ZNF567: variants seen among roughly 807,000 people sequenced by gnomAD.
The protein encoded by ZNF567 is zinc finger protein 567.
In ZNF567, 36 loss-of-function variants were observed where a neutral mutation model predicts 53.9. That is an observed-to-expected ratio of 0.67 (90% CI 0.51 to 0.88). The LOEUF is 0.88. Ranked by LOEUF, ZNF567 falls within the 40% of genes least tolerant of loss-of-function variation. The pLI is 0.00. For synonymous variants in ZNF567, 224 were observed against 260.4 expected (o/e 0.86, Z 1.35); for missense variants, 619 against 764.7 (o/e 0.81, Z 2.25).
chr19:36,677,682 G>A, the ZNF567 span, among the ~76,000 whole-genome samples: 1 of 151,856 alleles, frequency 6.6e-6, no homozygotes, highest in Non-Finnish European at 1.5e-5. Context: ...CAGAAGAATC[G>A]CTTGAACCCA....
downstream of ZNF567, chr19:36,723,074 G>A: frequency 1.5e-6 from 1 of 663,198 alleles, no homozygotes; most frequent in Non-Finnish European, 2.7e-6. Flanking sequence ...GAGAACCCAA[G>A]GATTTTGTCA....
upstream of ZNF567, chr19:36,685,673 G>A (rs962184051): frequency 6.6e-5 from 10 of 152,130 alleles, no homozygotes; most frequent in Non-Finnish European, 1.0e-4. Context: ...TACAAAACAG[G>A]TTGAACAATA....
At chr19:36,701,309 C>G (rs963667569) in intron 3 of ZNF567, among the ~76,000 whole-genome samples, 1 of 151,834 alleles carries the variant, frequency 6.6e-6, no homozygotes, top group Non-Finnish European at 1.5e-5. Flanking sequence ...AATTTCTGTT[C>G]TTTTACATTT....
chr19:36,692,920 G>A (rs1436397535), intron 2 of ZNF567, among the ~76,000 whole-genome samples: 1 of 152,062 alleles, frequency 6.6e-6, no homozygotes, highest in Non-Finnish European at 1.5e-5. Context: ...GGCCCTTTTG[G>A]ACAAAGCCAT....
At chr19:36,667,597 C>A in the ZNF567 span, among the ~76,000 whole-genome samples, 1 of 79,844 alleles carries the variant, frequency 1.3e-5, no homozygotes, top group Admixed American at 1.3e-4. Context: ...CAAGAAAAAA[C>A]AAACAACAAC....
downstream of ZNF567, chr19:36,727,016 T>C (rs1047074358): frequency 4.1e-5 from 6 of 147,464 alleles, no homozygotes; most frequent in African/African-American, 9.9e-5. Flanking sequence ...CTTTCCTTTT[T>C]TTTTTTCCTG....
At chr19:36,712,236 T>C (rs746509305) in intron 3 of ZNF567, 150 bp from the exon 4 acceptor site, 8 of 655,804 alleles carry the variant, frequency 1.2e-5, no homozygotes, top group Non-Finnish European at 2.0e-5. Flanking sequence ...TTAGTAGACA[T>C]GGGGTTTCAC....
intron 3 of ZNF567, among the ~76,000 whole-genome samples, chr19:36,708,389 G>C (rs1042352087): frequency 2.6e-5 from 4 of 152,106 alleles, no homozygotes; most frequent in African/African-American, 9.7e-5. Context: ...TTTGAGGCTT[G>C]CTTTTAAGTT....
chr19:36,696,459 C>G (rs139560507), intron 3 of ZNF567, among the ~76,000 whole-genome samples: 72 of 152,312 alleles, frequency 4.7e-4, no homozygotes, highest in African/African-American at 1.6e-3. Flanking sequence ...TTCCGCAGAT[C>G]CTTCATGCAC....
Position 36,719,838 on chromosome 19 carries a change from A to G in ZNF567, c.1114A>G (p.Lys372Glu), listed in dbSNP as rs1294895257. ...EKPYECNDCGKSFRQKTTLSL... is the reference protein window; with the variant it reads ...EKPYECNDCGESFRQKTTLSL... Reference sequence around the variant, plus strand: ...ACCATATGAGTGTAATGACTGTGGGAAGTCCTTCCGCCAGAAGACAACACT... The same window carrying G: ...ACCATATGAGTGTAATGACTGTGGGGAGTCCTTCCGCCAGAAGACAACACT... Residue 372 changes from lysine (K) to glutamate (E), a missense_variant, in exon 6 of 6, where the codon AAG becomes GAG. By Grantham distance (56) the Lys-to-Glu change is moderately conservative. Transcript: ENST00000682579. The G allele has an allele frequency of 1.7e-5, 27 of 1,614,056 alleles. No homozygotes were observed. The highest frequency in any genetic ancestry group is 2.2e-5 in the Non-Finnish European group (26 of 1,180,032).
chr19:36,702,331 G>A (rs1309030276), intron 3 of ZNF567, among the ~76,000 whole-genome samples: 3 of 152,116 alleles, frequency 2.0e-5, no homozygotes, highest in East Asian at 1.9e-4. Flanking sequence ...TGGGTAACCC[G>A]ACCTTTCTCT....
At chr19:36,712,749 C>T (rs751326403) in intron 4 of ZNF567, 32 bp from the exon 5 acceptor site, 21 of 1,593,708 alleles carry the variant, frequency 1.3e-5, no homozygotes, top group Non-Finnish European at 1.8e-5. Context: ...TATTATAGCC[C>T]AATCAACTTA....
chr19:36,720,364 C>T lies in ZNF567; in HGVS notation c.1640C>T (p.Thr547Ile). 6.2e-7 allele frequency: 1 copy of T among 1,613,576 alleles called. No homozygotes were observed. The highest frequency in any genetic ancestry group is 1.1e-5 in the South Asian group (1 of 91,032). The change falls in exon 6 of 6, where the codon ACC (threonine) becomes ATC (isoleucine). Residue 547 changes from threonine (T) to isoleucine (I), a missense_variant. Physicochemically the swap from Thr to Ile is moderately conservative, Grantham distance 89. Coordinates refer to ENST00000682579, the MANE Select transcript of ZNF567 (RefSeq NM_001322917.1). ...ECGKSFRQKA[T>I]LTVHQKIHTG... ...GGGAAGTCCTTTCGCCAGAAAGCAA[C>T]CCTCACTGTACATCAGAAAATACAT...
intron 3 of ZNF567, among the ~76,000 whole-genome samples, chr19:36,705,090 C>T (rs1017900202): frequency 6.6e-6 from 1 of 151,988 alleles, no homozygotes; most frequent in African/African-American, 2.4e-5. Flanking sequence ...TCACTTTTTC[C>T]CCTGGTTCTT....
At chr19:36,723,801 G>C (rs1275327348), downstream of ZNF567, among the ~76,000 whole-genome samples, 1 of 151,840 alleles carries the variant, frequency 6.6e-6, no homozygotes. Context: ...GCCATTGCAC[G>C]CCTGCCTGGC....
At chr19:36,672,538 A>G in the ZNF567 span, among the ~76,000 whole-genome samples, 1 of 152,148 alleles carries the variant, frequency 6.6e-6, no homozygotes, top group African/African-American at 2.4e-5. Context: ...CAGTGATGAA[A>G]GTTATGCATG....
In ZNF567 at chr19:36,711,685, C is replaced by T. The variant is rs576889359; in HGVS notation, c.10-701C>T. 4 of 152,320 alleles carry T rather than the reference C, an allele frequency of 2.6e-5. No homozygotes were observed. In the South Asian group the frequency reaches 6.2e-4, roughly 24 times the overall value. The allele number at this position is 152,320 out of a possible 1,614,324, so 9.4% of individuals were successfully genotyped here. A position where few individuals can be genotyped will look rare whatever the true frequency, so the allele number is the denominator to read the frequency against. On this transcript the variant is annotated intron_variant, in intron 3 of 5. Transcript: ENST00000682579. ...GAGAAATTGTTCTACCTTTGTGATA[C>T]ATGCTGTATCTTGTACATACTTCTT...
At chr19:36,673,848 G>A in the ZNF567 span, among the ~76,000 whole-genome samples, 2 of 152,250 alleles carry the variant, frequency 1.3e-5, no homozygotes, top group South Asian at 2.1e-4. Context: ...GATGATGCAG[G>A]TGAGGCATCA....
chr19:36,689,868 C>T (rs1475532465), intron 2 of ZNF567, among the ~76,000 whole-genome samples: 1 of 152,166 alleles, frequency 6.6e-6, no homozygotes, highest in Non-Finnish European at 1.5e-5. Context: ...GAGAATCACT[C>T]ACGTTTTTCC....
Sources: gnomAD v4.1 joint callset for allele counts (sites outside exome capture counted in the v4.1 genomes callset) on GRCh38, gnomAD v4.1.1 for gene constraint, MANE v1.5 for transcripts, NCBI Gene and HGNC (gene_info 2026-07-23, HGNC 2026-07-21) for gene names.